Variants in FAM149B1 observed in about 807,000 individuals in gnomAD.
FAM149B1 encodes the protein primary cilium assembly protein FAM149B1.
FAM149B1 carries 56 observed loss-of-function variants against 75.3 expected under a neutral mutation model. The ratio of observed to expected loss-of-function variants is 0.74; its 90% CI spans 0.60 to 0.93. FAM149B1 has a LOEUF of 0.93. FAM149B1 is among the 40% of genes least tolerant of loss of function. FAM149B1 has a pLI of 0.00. For missense variants in FAM149B1, 639 were observed against 708.4 expected, an observed-to-expected ratio of 0.90 and a Z score of 1.11; for synonymous variants, 259 against 256.1, an observed-to-expected ratio of 1.01 and a Z score of -0.11.
intron 7 of FAM149B1, among the ~76,000 whole-genome samples, chr10:73,223,617 A>G (rs1469331526): frequency 6.6e-6 from 1 of 152,186 alleles, no homozygotes; most frequent in Non-Finnish European, 1.5e-5. Flanking sequence ...GGTTATACCT[A>G]CTTACAGCCT....
rs925316303 is a variant in FAM149B1, at chr10:73,241,530, C to T, written c.*511C>T. ...TAAAACTCTCTTTAGATGTCCTACC[C>T]TATCAGCAGATTAAAATGGAAGGGG... On this transcript the variant is annotated 3_prime_UTR_variant, in exon 14 of 14. Transcript: ENST00000242505. The T allele has an allele frequency of 6.3e-6, 1 of 157,972 alleles. No individual in the cohort carries two copies. The highest frequency in any genetic ancestry group is 1.4e-5 in the Non-Finnish European group (1 of 71,294). The allele number at this position is 157,972 out of a possible 1,614,324, so 9.8% of individuals were successfully genotyped here.
chr10:73,173,457 T>C (rs1843801914), intron 1 of FAM149B1, among the ~76,000 whole-genome samples: 1 of 152,238 alleles, frequency 6.6e-6, no homozygotes, highest in Non-Finnish European at 1.5e-5. Flanking sequence ...ACCAAGGAAC[T>C]TCACTGGGTA....
At chr10:73,178,666 G>A (rs2133306953) in intron 3 of FAM149B1, among the ~76,000 whole-genome samples, 1 of 152,232 alleles carries the variant, frequency 6.6e-6, no homozygotes, top group South Asian at 2.1e-4. Flanking sequence ...AAATATTTGT[G>A]ATATATTGGT....
chr10:73,188,133 T>G (rs555200682), intron 3 of FAM149B1, among the ~76,000 whole-genome samples: 15 of 152,056 alleles, frequency 9.9e-5, no homozygotes, highest in Non-Finnish European at 2.2e-4. Context: ...AAGATGGACG[T>G]GTAGTCAATA....
At chr10:73,189,045 A>T (rs1330234079) in intron 3 of FAM149B1, among the ~76,000 whole-genome samples, 1 of 152,060 alleles carries the variant, frequency 6.6e-6, no homozygotes, top group Non-Finnish European at 1.5e-5. Context: ...ATAATTAATT[A>T]ATTAATTAAT....
At chr10:73,193,380 T>C (rs1448517721) in intron 4 of FAM149B1, 97 bp from the exon 5 acceptor site, 2 of 1,254,810 alleles carry the variant, frequency 1.6e-6, no homozygotes, top group East Asian at 5.1e-5. Context: ...ATACTGGACT[T>C]TTATGTTGAG....
intron 3 of FAM149B1, among the ~76,000 whole-genome samples, chr10:73,190,743 G>C (rs1443578822): frequency 7.0e-6 from 1 of 142,890 alleles, no homozygotes; most frequent in African/African-American, 2.6e-5. Flanking sequence ...TTTTTTAAGA[G>C]ATGAGGTCTC....
Position 73,177,837 on chromosome 10 carries a change from T to C in FAM149B1, c.153-9T>C. 2 of 1,541,154 alleles carry C rather than the reference T, an allele frequency of 1.3e-6. No homozygotes were observed. The highest frequency in any genetic ancestry group is 2.4e-5 in the South Asian group (2 of 83,848). On this transcript the variant is annotated splice_polypyrimidine_tract_variant and intron_variant, in intron 2 of 13. Coordinates refer to ENST00000242505, the MANE Select transcript of FAM149B1 (RefSeq NM_173348.2). ...TTTTTTCTCTCCTCCTCCCAAATTG[T>C]GCCTTTAGCAAGTCTGACATCACAA...
At chr10:73,202,683 TTTTTG>T (rs2042968191) in intron 5 of FAM149B1, among the ~76,000 whole-genome samples, 1 of 149,190 alleles carries the variant, frequency 6.7e-6, no homozygotes, top group South Asian at 2.2e-4. Flanking sequence ...CCTCTTCCTT[TTTTTG>T]TTTTGTTTGT....
chr10:73,233,335 AATTTT>A (rs1412964890), intron 10 of FAM149B1, 172 bp downstream of exon 10: 33 of 597,304 alleles, frequency 5.5e-5, no homozygotes, highest in Middle Eastern at 4.5e-4. Context: ...AATGTGGTTA[AATTTT>A]ATTTTATTTT....
In FAM149B1 at chr10:73,241,170, C is replaced by T; in HGVS notation, c.*151C>T. On this transcript the variant is annotated 3_prime_UTR_variant, in exon 14 of 14. Transcript: ENST00000242505. ...TGGCACAAGTGACCGAAGAACAAAA[C>T]ACCATAGCAGCCAAAAATGACATGA... The T allele has an allele frequency of 1.6e-6, 1 of 622,212 alleles. No individual in the cohort carries two copies. Among genetic ancestry groups the T allele is most frequent in the Non-Finnish European group, 2.9e-6 (1 of 343,876 alleles). 38.5% of individuals were successfully genotyped at this position (622,212 alleles called of 1,614,324 possible).
chr10:73,237,961 T>G (rs1200984670), intron 12 of FAM149B1, among the ~76,000 whole-genome samples: 2 of 151,392 alleles, frequency 1.3e-5, no homozygotes, highest in African/African-American at 4.9e-5. Flanking sequence ...TCTCTTTAAG[T>G]TTATTAAAAA....
chr10:73,211,593 G>C (rs921021534), intron 7 of FAM149B1, among the ~76,000 whole-genome samples: 11 of 152,290 alleles, frequency 7.2e-5, no homozygotes, highest in African/African-American at 2.6e-4. Flanking sequence ...CAGGTATTTA[G>C]TAAATATTTG....
intron 10 of FAM149B1, 69 bp downstream of exon 10, chr10:73,233,232 T>TA (rs34264367): frequency 9.2e-7 from 1 of 1,082,904 alleles, no homozygotes; most frequent in Non-Finnish European, 1.4e-6. Context: ...AGAATTAATT[T>TA]AAATATAAGA....
chr10:73,228,417 G>T (rs1663344022), intron 8 of FAM149B1, among the ~76,000 whole-genome samples: 1 of 152,198 alleles, frequency 6.6e-6, no homozygotes, highest in South Asian at 2.1e-4. Context: ...TCTGTAAGTT[G>T]TGCAACCTAG....
At chr10:73,192,399 A>T (rs2042705888) in intron 3 of FAM149B1, 157 bp from the exon 4 acceptor site, 1 of 683,902 alleles carries the variant, frequency 1.5e-6, no homozygotes, top group African/African-American at 1.9e-5. Flanking sequence ...GAGATCTGAA[A>T]ACTCACTAAT....
intron 3 of FAM149B1, among the ~76,000 whole-genome samples, chr10:73,185,465 C>T (rs2042496960): frequency 6.6e-6 from 1 of 152,144 alleles, no homozygotes; most frequent in African/African-American, 2.4e-5. Context: ...GGGAGAATCG[C>T]TTGAGCCTGG....
chr10:73,234,652 T>C, intron 10 of FAM149B1, 165 bp from the exon 11 acceptor site: 1 of 734,820 alleles, frequency 1.4e-6, no homozygotes, highest in Non-Finnish European at 2.2e-6. Context: ...TTTTAAAAAC[T>C]AATTTTCCAA....
In FAM149B1 at chr10:73,169,764, T is replaced by A. The variant is rs189871953; in HGVS notation, c.47+1378T>A. 1.9e-3 allele frequency among the ~76,000 whole-genome samples: 294 copies of A among 152,296 alleles called. 1 individual carries two copies. Among genetic ancestry groups the A allele is most frequent in the Non-Finnish European group, 3.3e-3 (225 of 68,016 alleles). On this transcript the variant is annotated intron_variant, in intron 1 of 13. Transcript: ENST00000242505. ...GCCACCATGCCCAGCTCACTTCACT[T>A]TTTGATCTTAACAACTCTGTAAAGT...
Sources: allele counts gnomAD v4.1 joint callset (sites outside exome capture counted in the v4.1 genomes callset), GRCh38; gene constraint gnomAD v4.1.1; transcripts MANE v1.5; gene names NCBI Gene and HGNC (gene_info 2026-07-23, HGNC 2026-07-21).